SEZ6L: variants seen among roughly 807,000 people sequenced by gnomAD.
SEZ6L encodes seizure related 6 homolog like, also known as seizure 6-like protein.
SEZ6L carries 37 observed loss-of-function variants against 106.2 expected under a neutral mutation model. The observed-to-expected ratio is 0.35, with a 90% CI of 0.27 to 0.46. The LOEUF (loss-of-function observed/expected upper bound fraction) is 0.46, where lower values mean the gene tolerates loss of function less well. Among genes scored for constraint, SEZ6L ranks in the 20% least tolerant of loss-of-function variants. The probability of loss-of-function intolerance (pLI) is 1.00; values close to 1 mark genes in which losing one functional copy is unlikely to be tolerated. For synonymous variants in SEZ6L, 541 were observed against 570.4 expected (o/e 0.95, Z 0.73); for missense variants, 1,172 against 1,332.8 (o/e 0.88, Z 1.88).
At chr22:26,373,307 A>T (rs2084103570) in intron 13 of SEZ6L, 144 bp from the exon 14 acceptor site, 5 of 665,460 alleles carry the variant, frequency 7.5e-6, no homozygotes, top group Admixed American at 3.0e-5. Flanking sequence ...TTCACTGATT[A>T]TAGTGGCCCA....
chr22:26,292,894 A>G lies in SEZ6L; in HGVS notation c.583A>G (p.Thr195Ala). 3 of 1,614,086 alleles carry G rather than the reference A, an allele frequency of 1.9e-6. No homozygotes were observed. The highest frequency in any genetic ancestry group is 2.5e-6 in the Non-Finnish European group (3 of 1,179,972). Residue 195 changes from threonine to alanine, a missense_variant, in exon 2 of 17, where the codon ACA (threonine) becomes GCA (alanine). This residue lies in a region of SEZ6L where 494 missense variants were observed against 445.8 expected (regional missense o/e 1.11). Coordinates refer to ENST00000248933, the MANE Select transcript of SEZ6L (RefSeq NM_021115.5). Reference protein sequence around the residue: ...WLDRKESAVPTTPAPLQISPF... With the variant: ...WLDRKESAVPATPAPLQISPF... Reference sequence around the variant, plus strand: ...GGACCGAAAGGAGAGTGCGGTCCCTACAACACCCGCACCCCTGCAAATCTC... The same window carrying G: ...GGACCGAAAGGAGAGTGCGGTCCCTGCAACACCCGCACCCCTGCAAATCTC...
chr22:26,190,695 C>T (rs1379898761), intron 1 of SEZ6L, among the ~76,000 whole-genome samples: 3 of 152,160 alleles, frequency 2.0e-5, no homozygotes, highest in Non-Finnish European at 4.4e-5. Context: ...CAGCCCTGAC[C>T]TCCCCCAACA....
chr22:26,171,765 T>C (rs999130444), intron 1 of SEZ6L, among the ~76,000 whole-genome samples: 2 of 152,194 alleles, frequency 1.3e-5, no homozygotes, highest in African/African-American at 2.4e-5. Context: ...TTAATAAGTG[T>C]GTGGTTCTGA....
intron 16 of SEZ6L, among the ~76,000 whole-genome samples, chr22:26,378,727 G>A (rs575440995): frequency 3.9e-5 from 6 of 152,240 alleles, no homozygotes; most frequent in Admixed American, 6.5e-5. Flanking sequence ...GGGCACATGC[G>A]AGGAAGCAAA....
intron 1 of SEZ6L, among the ~76,000 whole-genome samples, chr22:26,225,450 TG>T (rs1172118906): frequency 1.3e-5 from 2 of 151,560 alleles, no homozygotes; most frequent in Non-Finnish European, 2.9e-5. Context: ...AGAAAGAGGG[TG>T]GGGGGATTTT....
chr22:26,373,331 C>A, intron 13 of SEZ6L, 120 bp from the exon 14 acceptor site: 1 of 804,016 alleles, frequency 1.2e-6, no homozygotes, highest in Non-Finnish European at 2.1e-6. Flanking sequence ...TAAGTAAAAA[C>A]ATACCACTAA....
chr22:26,198,514 T>C (rs977664591), intron 1 of SEZ6L, among the ~76,000 whole-genome samples: 3 of 152,230 alleles, frequency 2.0e-5, no homozygotes, highest in African/African-American at 7.2e-5. Flanking sequence ...TTTATGCTGA[T>C]ATGATACCAG....
chr22:26,365,701 C>G (rs575166370), intron 13 of SEZ6L, 135 bp downstream of exon 13: 2 of 703,240 alleles, frequency 2.8e-6, no homozygotes, highest in African/African-American at 1.8e-5. Context: ...AGTGAGACCC[C>G]CATCTCTACC....
intron 12 of SEZ6L, among the ~76,000 whole-genome samples, chr22:26,364,412 CCT>C (rs1465253829): frequency 7.3e-6 from 1 of 136,982 alleles, no homozygotes; most frequent in Non-Finnish European, 1.5e-5. Flanking sequence ...ATGGCAAGAC[CCT>C]GTCTCTACTT....
chr22:26,241,800 T>C (rs1264317085), intron 1 of SEZ6L, among the ~76,000 whole-genome samples: 1 of 152,198 alleles, frequency 6.6e-6, no homozygotes, highest in Non-Finnish European at 1.5e-5. Context: ...CTTTGCCTCA[T>C]GCCACAGGCT....
chr22:26,178,803 G>A (rs1939196518), intron 1 of SEZ6L, among the ~76,000 whole-genome samples: 1 of 152,182 alleles, frequency 6.6e-6, no homozygotes, highest in Non-Finnish European at 1.5e-5. Flanking sequence ...ACTCTGAGAT[G>A]ATGGGAGTGG....
intron 1 of SEZ6L, among the ~76,000 whole-genome samples, chr22:26,284,604 C>CAA (rs137198): frequency 0.06 from 3,808 of 63,864 alleles, 542 homozygotes; most frequent in Non-Finnish European, 0.09. Flanking sequence ...ATCAGGACTC[C>CAA]AAAAAAAAAA....
At chr22:26,287,676 C>A (rs1175619992) in intron 1 of SEZ6L, among the ~76,000 whole-genome samples, 1 of 152,128 alleles carries the variant, frequency 6.6e-6, no homozygotes, top group Non-Finnish European at 1.5e-5. Flanking sequence ...CCCTGAAGTA[C>A]AATTTTCGCT....
At chr22:26,348,666 GAAAGAA>G (rs2083133882) in intron 11 of SEZ6L, among the ~76,000 whole-genome samples, 1 of 61,890 alleles carries the variant, frequency 1.6e-5, no homozygotes, top group Non-Finnish European at 3.0e-5. Context: ...AAGAAAGAAA[GAAAGAA>G]AGAAAGAAAG....
intron 6 of SEZ6L, among the ~76,000 whole-genome samples, chr22:26,308,090 G>A (rs73419599): frequency 0.016 from 2,434 of 152,250 alleles, 61 homozygotes; most frequent in African/African-American, 0.056. Context: ...AAGAAGAAAA[G>A]AGAAATCAAT....
At chr22:26,232,677 AC>A (rs1319956814) in intron 1 of SEZ6L, among the ~76,000 whole-genome samples, 5 of 152,250 alleles carry the variant, frequency 3.3e-5, no homozygotes, top group African/African-American at 1.2e-4. Context: ...GCAATAGGCT[AC>A]ACCATCCAGC....
At chr22:26,268,279 G>A (rs530504613) in intron 1 of SEZ6L, among the ~76,000 whole-genome samples, 3 of 152,222 alleles carry the variant, frequency 2.0e-5, no homozygotes, top group Non-Finnish European at 2.9e-5. Context: ...GAGATCACCC[G>A]GTATGAACAG....
chr22:26,280,344 A>C (rs2080722529), intron 1 of SEZ6L, among the ~76,000 whole-genome samples: 3 of 152,184 alleles, frequency 2.0e-5, no homozygotes, highest in Admixed American at 6.5e-5. Flanking sequence ...TTTATTCCTC[A>C]TCATTCTACT....
chr22:26,281,117 G>C (rs1280389666), intron 1 of SEZ6L, among the ~76,000 whole-genome samples: 1 of 152,118 alleles, frequency 6.6e-6, no homozygotes, highest in South Asian at 2.1e-4. Context: ...GGATAAGGAG[G>C]GCTCTGCCCT....
Sources: gnomAD v4.1 joint callset for allele counts (sites outside exome capture counted in the v4.1 genomes callset) on GRCh38, gnomAD v4.1.1 for gene constraint, gnomAD v4.1.1 regional missense constraint, MANE v1.5 for transcripts, NCBI Gene and HGNC (gene_info 2026-07-23, HGNC 2026-07-21) for gene names.